Variants in KCNN3 observed in about 807,000 individuals in gnomAD.
KCNN3 encodes small conductance calcium-activated potassium channel protein 3.
KCNN3 carries 16 observed loss-of-function variants against 62.9 expected under a neutral mutation model. That is an observed-to-expected ratio of 0.25 (90% CI 0.17 to 0.39). The LOEUF (loss-of-function observed/expected upper bound fraction) is 0.39, where lower values mean the gene tolerates loss of function less well. Ranked by LOEUF, KCNN3 falls within the 10% of genes least tolerant of loss-of-function variation. The pLI, the probability that KCNN3 is intolerant of heterozygous loss-of-function variation, is 1.00. For missense variants in KCNN3, 599 were observed against 949.4 expected (o/e 0.63, Z 4.85); for synonymous variants, 370 against 389.2 (o/e 0.95, Z 0.58).
chr1:154,828,933 T>C (rs1056311186), intron 1 of KCNN3, among the ~76,000 whole-genome samples: 1 of 152,258 alleles, frequency 6.6e-6, no homozygotes, highest in Admixed American at 6.5e-5. Context: ...CATTCACTTG[T>C]GCATTCATAC....
Position 154,812,248 on chromosome 1 carries a change from G to A in KCNN3, c.1029+9841C>T, listed in dbSNP as rs890349204. ...ACACCTTGGCACTCTCAGAGAAACA[G>A]AATATTCTTTTTTTTTCTTTTTTTT... is the stretch of plus-strand genomic sequence containing the variant. On this transcript the variant is annotated intron_variant, in intron 2 of 7. Coordinates refer to ENST00000271915, the MANE Select transcript of KCNN3 (RefSeq NM_002249.6). Among the ~76,000 whole-genome samples the A allele has an allele frequency of 3.9e-5, 6 of 152,230 alleles. No homozygotes were observed. The South Asian group carries it at 1.0e-3, about 26-fold the overall frequency.
intron 3 of KCNN3, among the ~76,000 whole-genome samples, chr1:154,771,665 G>A (rs56995760): frequency 0.36 from 54,695 of 152,140 alleles, 10,067 homozygotes; most frequent in Middle Eastern, 0.5. Context: ...CCCAAGAGGA[G>A]TAAGTTGCAA....
chr1:154,794,865 C>T (rs4845672), intron 2 of KCNN3, among the ~76,000 whole-genome samples: 27,589 of 152,084 alleles, frequency 0.18, 2,628 homozygotes, highest in Middle Eastern at 0.24. Flanking sequence ...GAGCCTGTCA[C>T]ACATTGACCA....
chr1:154,752,344 GC>G (rs1647418967), intron 3 of KCNN3, among the ~76,000 whole-genome samples: 1 of 152,232 alleles, frequency 6.6e-6, no homozygotes, highest in African/African-American at 2.4e-5. Flanking sequence ...AGGGACATCA[GC>G]TTGTTAGCTG....
intron 2 of KCNN3, among the ~76,000 whole-genome samples, chr1:154,783,212 CAAAAAAAAA>C (rs11319743): frequency 7.1e-6 from 1 of 140,282 alleles, no homozygotes; most frequent in African/African-American, 2.7e-5. Flanking sequence ...GACTCCATCT[CAAAAAAAAA>C]AAAAGAAAAA....
At chr1:154,718,455 T>A (rs1201642364) in intron 5 of KCNN3, among the ~76,000 whole-genome samples, 9 of 152,266 alleles carry the variant, frequency 5.9e-5, no homozygotes, top group Non-Finnish European at 2.9e-5. Context: ...GCTAAGCACA[T>A]ATGTCTGCAC....
At chr1:154,724,143 T>G (rs1159071030) in intron 5 of KCNN3, among the ~76,000 whole-genome samples, 2 of 152,206 alleles carry the variant, frequency 1.3e-5, no homozygotes, top group Non-Finnish European at 2.9e-5. Context: ...ATCCAATAAA[T>G]GTAATCAAAG....
chr1:154,820,944 G>A (rs947855631), intron 2 of KCNN3, among the ~76,000 whole-genome samples: 1 of 152,236 alleles, frequency 6.6e-6, no homozygotes, highest in African/African-American at 2.4e-5. Context: ...ACTCCCACCT[G>A]CGTCCGCACT....
At chr1:154,787,855 T>TCC (rs199883664) in intron 2 of KCNN3, among the ~76,000 whole-genome samples, 2 of 123,844 alleles carry the variant, frequency 1.6e-5, no homozygotes, top group African/African-American at 6.9e-5. Flanking sequence ...CGCTGCCACT[T>TCC]TCTCTGTCCT....
intron 3 of KCNN3, among the ~76,000 whole-genome samples, chr1:154,741,906 C>G (rs538976646): frequency 1.3e-5 from 2 of 152,320 alleles, no homozygotes; most frequent in Admixed American, 1.3e-4. Context: ...GTCAGACCTG[C>G]CCACTGAGCT....
intron 2 of KCNN3, among the ~76,000 whole-genome samples, chr1:154,786,310 A>C (rs1649281824): frequency 6.6e-6 from 1 of 152,268 alleles, no homozygotes; most frequent in Non-Finnish European, 1.5e-5. Flanking sequence ...GTCTTTTGTA[A>C]CATATGCACA....
chr1:154,743,750 C>T (rs557510498), intron 3 of KCNN3, among the ~76,000 whole-genome samples: 7 of 152,228 alleles, frequency 4.6e-5, no homozygotes, highest in African/African-American at 1.4e-4. Context: ...ACTGTGCTGC[C>T]GGGTGATTTT....
intron 5 of KCNN3, among the ~76,000 whole-genome samples, chr1:154,715,236 G>A (rs965023613): frequency 6.6e-6 from 1 of 151,990 alleles, no homozygotes; most frequent in Non-Finnish European, 1.5e-5. Context: ...TCAGGAGTTC[G>A]AGACCAGCCT....
rs904578959 is a variant in KCNN3 at position 154,799,724 on chromosome 1, C to G, written c.1029+22365G>C. Among the ~76,000 whole-genome samples the G allele has an allele frequency of 5.9e-5, 9 of 152,290 alleles. No homozygotes were observed. In the South Asian group the frequency reaches 6.2e-4, roughly 11 times the overall value. On this transcript the variant is annotated intron_variant, in intron 2 of 7. Transcript: ENST00000271915. ...TGCCCTGGGGTGGGGAGACCTGTGC[C>G]CCTACAGCGGACAGCCAGCTGATCG...
In KCNN3 at chr1:154,822,029, G is replaced by A. The variant is rs114043131; in HGVS notation, c.1029+60C>T. ...GGGTTTTGGGGGTGGGGATGGGCTCGGCTCAGAGCAAGGCCAAAGGATCAG... is the reference window on the plus strand; with the variant it reads ...GGGTTTTGGGGGTGGGGATGGGCTCAGCTCAGAGCAAGGCCAAAGGATCAG... On this transcript the variant is annotated intron_variant, in intron 2 of 7. Coordinates refer to ENST00000271915, the MANE Select transcript of KCNN3 (RefSeq NM_002249.6). The A allele has an allele frequency of 1.1e-3, 1,499 of 1,316,006 alleles. 13 individuals carry two copies. The African/African-American group carries it at 0.019, about 17-fold the overall frequency. The allele number at this position is 1,316,006 out of a possible 1,614,324, so 81.5% of individuals were successfully genotyped here.
At chr1:154,734,286 T>C (rs1169415480) in intron 3 of KCNN3, among the ~76,000 whole-genome samples, 1 of 152,182 alleles carries the variant, frequency 6.6e-6, no homozygotes, top group Admixed American at 6.5e-5. Flanking sequence ...CTTCACCTCT[T>C]GATAAAATCT....
chr1:154,858,084 C>T (rs534820032), intron 1 of KCNN3, among the ~76,000 whole-genome samples: 17 of 152,176 alleles, frequency 1.1e-4, no homozygotes, highest in Non-Finnish European at 1.8e-4. Context: ...CTTTCCATCG[C>T]TGGCACATAG....
intron 1 of KCNN3, among the ~76,000 whole-genome samples, chr1:154,844,140 C>A (rs1287086958): frequency 6.6e-6 from 1 of 152,226 alleles, no homozygotes; most frequent in Admixed American, 6.5e-5. Context: ...ACGCCCTCAC[C>A]CTCACTCCTT....
intron 1 of KCNN3, among the ~76,000 whole-genome samples, chr1:154,857,950 A>G (rs529000522): frequency 2.3e-4 from 35 of 152,168 alleles, no homozygotes; most frequent in Non-Finnish European, 4.1e-4. Flanking sequence ...CCTTCCCCCA[A>G]GCTGCTGTGG....
Sources: allele counts gnomAD v4.1 joint callset (sites outside exome capture counted in the v4.1 genomes callset), GRCh38; gene constraint gnomAD v4.1.1; transcripts MANE v1.5; gene names NCBI Gene and HGNC (gene_info 2026-07-23, HGNC 2026-07-21).